The following IL1R2 variants were observed in gnomAD, a reference collection of about 807,000 sequenced individuals.
IL1R2 encodes the protein interleukin 1 receptor type 2.
A neutral mutation model predicts 39.5 loss-of-function variants in IL1R2; 46 were observed. The ratio of observed to expected loss-of-function variants is 1.16; its 90% confidence interval spans 0.92 to 1.49. The LOEUF (loss-of-function observed/expected upper bound fraction) is 1.49, where lower values mean the gene tolerates loss of function less well. Ranked by LOEUF, IL1R2 falls within the 40% of genes most tolerant of loss-of-function variation. The probability of loss-of-function intolerance (pLI) is 0.00; values close to 1 mark genes in which losing one functional copy is unlikely to be tolerated. For missense variants in IL1R2, 537 were observed against 502.0 expected (o/e 1.07, Z -0.67); for synonymous variants, 207 against 189.6 (o/e 1.09, Z -0.75).
intron 1 of IL1R2, among the ~76,000 whole-genome samples, chr2:101,997,984 CT>C (rs1382999367): frequency 6.6e-6 from 1 of 152,200 alleles, no homozygotes; most frequent in African/African-American, 2.4e-5. Flanking sequence ...ATCATATTCA[CT>C]TCCTTTCCTC....
chr2:102,000,230 C>T (rs1675783538), intron 1 of IL1R2, among the ~76,000 whole-genome samples: 1 of 152,206 alleles, frequency 6.6e-6, no homozygotes, highest in African/African-American at 2.4e-5. Context: ...TGCAGCACTG[C>T]TGAGCTCATT....
At chr2:102,023,079 T>C (rs962411205) in intron 6 of IL1R2, among the ~76,000 whole-genome samples, 1 of 152,232 alleles carries the variant, frequency 6.6e-6, no homozygotes, top group South Asian at 2.1e-4. Context: ...TGCATCCTTT[T>C]ATGTGTTTGT....
intron 1 of IL1R2, among the ~76,000 whole-genome samples, chr2:101,995,895 AAGCAGGCAT>A (rs1461184879): frequency 6.6e-6 from 1 of 152,130 alleles, no homozygotes; most frequent in East Asian, 1.9e-4. Flanking sequence ...TCAGAAGCAG[AAGCAGGCAT>A]AGCAGGAGCA....
At chr2:101,992,266 C>G (rs948641227) in intron 1 of IL1R2, among the ~76,000 whole-genome samples, 1 of 138,364 alleles carries the variant, frequency 7.2e-6, no homozygotes, top group Admixed American at 7.2e-5. Context: ...GGCAGAGAGA[C>G]AGAGAGAGAC....
intron 8 of IL1R2, among the ~76,000 whole-genome samples, chr2:102,027,446 C>A (rs1016333306): frequency 6.6e-6 from 1 of 152,134 alleles, no homozygotes; most frequent in Admixed American, 6.6e-5. Flanking sequence ...CGTGACTGAT[C>A]CAGGGAACAC....
rs773377641 is a variant in IL1R2, at chr2:102,008,658, T to C, written c.67+16T>C. ...GCACACACAGGTTAGAAGTAAACCT[T>C]TCAGATGCAAAAAGGCTTGCCTGTA... On this transcript the variant is annotated intron_variant, in intron 2 of 8. Coordinates refer to ENST00000332549, the MANE Select transcript of IL1R2 (RefSeq NM_004633.4). The C allele has an allele frequency of 5.6e-6, 9 of 1,609,300 alleles. No homozygotes were observed. In the Admixed American group the frequency reaches 1.5e-4, roughly 27 times the overall value.
chr2:102,014,311 G>A (rs1676854192), intron 3 of IL1R2, among the ~76,000 whole-genome samples: 1 of 152,084 alleles, frequency 6.6e-6, no homozygotes, highest in Admixed American at 6.5e-5. Context: ...CTACTTCATG[G>A]GGGCTGGACT....
chr2:102,020,456 A>G (rs905268210), intron 5 of IL1R2, among the ~76,000 whole-genome samples: 10 of 152,208 alleles, frequency 6.6e-5, no homozygotes, highest in Non-Finnish European at 1.2e-4. Context: ...TAAATCCTGG[A>G]CTTTGCCTTG....
chr2:102,021,307 T>TC (rs1677378726), intron 5 of IL1R2, among the ~76,000 whole-genome samples: 1 of 143,138 alleles, frequency 7.0e-6, no homozygotes, highest in African/African-American at 2.7e-5. Flanking sequence ...TTTCTTTTCT[T>TC]TTTTTTTTTT....
chr2:102,023,341 A>G (rs1309658857), intron 6 of IL1R2: 2 of 152,270 alleles, frequency 1.3e-5, no homozygotes, highest in East Asian at 1.9e-4. Context: ...ATCTGGGGCA[A>G]TGGGCACATG....
At chr2:102,006,807 G>A (rs796519527) in intron 1 of IL1R2, among the ~76,000 whole-genome samples, 2 of 152,250 alleles carry the variant, frequency 1.3e-5, no homozygotes, top group East Asian at 1.9e-4. Context: ...CGGCCCTGCC[G>A]ATGGCCGGGT....
chr2:102,026,274 G>A, intron 8 of IL1R2, 21 bp downstream of exon 8: 1 of 1,586,234 alleles, frequency 6.3e-7, no homozygotes, highest in Non-Finnish European at 8.6e-7. Context: ...ATTTTGGGGA[G>A]CACTATAGGA....
In IL1R2 at chr2:102,027,596, C is replaced by T. The variant is rs539570218; in HGVS notation, c.1031-630C>T. On this transcript the variant is annotated intron_variant, in intron 8 of 8. Transcript: ENST00000332549. ...GCAACAGGCTGAGGTCATGTCGATT[C>T]CTGGATGACTAAACAGACTGTGATA... Among the ~76,000 whole-genome samples the T allele has an allele frequency of 2.0e-5, 3 of 152,246 alleles. No homozygotes were observed. In the South Asian group the frequency reaches 6.2e-4, roughly 32 times the overall value.
chr2:102,025,151 A>G (rs1677654593), intron 7 of IL1R2, among the ~76,000 whole-genome samples: 1 of 152,204 alleles, frequency 6.6e-6, no homozygotes. Context: ...TCTCATAAGC[A>G]GTCATCTCTA....
At chr2:101,994,366 C>T (rs4851522) in intron 1 of IL1R2, among the ~76,000 whole-genome samples, 34,086 of 151,958 alleles carry the variant, frequency 0.22, 5,253 homozygotes, top group African/African-American at 0.43. Flanking sequence ...CTAGCAGCAA[C>T]AGGACTGAAG....
At chr2:102,005,034 C>T (rs1471178168) in intron 1 of IL1R2, among the ~76,000 whole-genome samples, 1 of 152,220 alleles carries the variant, frequency 6.6e-6, no homozygotes, top group Non-Finnish European at 1.5e-5. Context: ...AGAGAGTTAA[C>T]TTGAAACTCA....
intron 3 of IL1R2, among the ~76,000 whole-genome samples, chr2:102,012,633 C>T (rs1348925582): frequency 6.6e-6 from 1 of 151,982 alleles, no homozygotes; most frequent in Non-Finnish European, 1.5e-5. Context: ...TATGTCTAGC[C>T]CCAACTATAA....
intron 1 of IL1R2, among the ~76,000 whole-genome samples, chr2:102,005,987 A>G (rs1267929067): frequency 6.6e-6 from 1 of 152,212 alleles, no homozygotes; most frequent in Non-Finnish European, 1.5e-5. Flanking sequence ...TCCTCTGTAA[A>G]ATCAGCATGA....
At chr2:102,010,686 A>T (rs991207155) in intron 3 of IL1R2, among the ~76,000 whole-genome samples, 2 of 152,050 alleles carry the variant, frequency 1.3e-5, no homozygotes, top group Non-Finnish European at 2.9e-5. Context: ...CTGGAGCCCG[A>T]GTCTCCTGAC....
Sources: allele counts gnomAD v4.1 joint callset (sites outside exome capture counted in the v4.1 genomes callset), GRCh38; gene constraint gnomAD v4.1.1; transcripts MANE v1.5; gene names NCBI Gene and HGNC (gene_info 2026-07-23, HGNC 2026-07-21).